The following CTNND2 variants were observed in gnomAD, a reference collection of about 807,000 sequenced individuals.
CTNND2 encodes catenin delta 2.
CTNND2 carries 22 observed loss-of-function variants against 144.4 expected under a neutral mutation model. The observed-to-expected ratio is 0.15, with a 90% CI of 0.11 to 0.22. The LOEUF (loss-of-function observed/expected upper bound fraction) is 0.22. Ranked by LOEUF, CTNND2 falls within the 10% of genes least tolerant of loss-of-function variation. The pLI is 1.00. For synonymous variants in CTNND2, 751 were observed against 695.6 expected, an observed-to-expected ratio of 1.08 and a Z score of -1.25; for missense variants, 1,353 against 1,618.8, an observed-to-expected ratio of 0.84 and a Z score of 2.82.
At chr5:11,803,929 A>C (rs1791844622) in intron 1 of CTNND2, among the ~76,000 whole-genome samples, 2 of 151,762 alleles carry the variant, frequency 1.3e-5, no homozygotes, top group South Asian at 4.2e-4. Context: ...GGCAACCTCC[A>C]TTTTTTTAAA....
At chr5:11,255,770 G>T (rs1016635995) in intron 9 of CTNND2, among the ~76,000 whole-genome samples, 1 of 152,242 alleles carries the variant, frequency 6.6e-6, no homozygotes, top group South Asian at 2.1e-4. Context: ...AATCAGTCAC[G>T]AGAGCTGGAA....
rs190850195 is a variant in CTNND2 at position 11,112,103 on chromosome 5, C to G, written c.2278-1060G>C. Among the ~76,000 whole-genome samples the G allele has an allele frequency of 2.6e-5, 4 of 152,290 alleles. No individual in the cohort carries two copies. The East Asian group carries it at 7.7e-4, about 29-fold the overall frequency. ...TGACTTTGTGATCCACTTGCTTAGG[C>G]CTCCCAAAGTGCTGGGATTACAGTC... On this transcript the variant is annotated intron_variant, in intron 13 of 21. Coordinates refer to ENST00000304623, the MANE Select transcript of CTNND2 (RefSeq NM_001332.4).
At chr5:11,244,651 G>C (rs1742812554) in intron 9 of CTNND2, among the ~76,000 whole-genome samples, 1 of 152,150 alleles carries the variant, frequency 6.6e-6, no homozygotes, top group East Asian at 1.9e-4. Context: ...AATAGCACTA[G>C]AATTATGACT....
At chr5:11,869,394 A>G (rs548407168) in intron 1 of CTNND2, among the ~76,000 whole-genome samples, 19 of 152,348 alleles carry the variant, frequency 1.2e-4, no homozygotes, top group Middle Eastern at 3.4e-3. Context: ...ATTCTGACAT[A>G]AGAAGGTGCC....
chr5:11,867,193 A>G (rs1795810689), intron 1 of CTNND2, among the ~76,000 whole-genome samples: 1 of 152,222 alleles, frequency 6.6e-6, no homozygotes, highest in Admixed American at 6.5e-5. Context: ...GTTATTCCAG[A>G]GAAGGATGAA....
At chr5:11,291,514 T>C (rs2150015326) in intron 9 of CTNND2, among the ~76,000 whole-genome samples, 1 of 152,260 alleles carries the variant, frequency 6.6e-6, no homozygotes, top group Non-Finnish European at 1.5e-5. Context: ...TGAGTCTCCC[T>C]CATACACACA....
intron 7 of CTNND2, among the ~76,000 whole-genome samples, chr5:11,371,300 G>C (rs1350603696): frequency 6.6e-6 from 1 of 152,220 alleles, no homozygotes; most frequent in Non-Finnish European, 1.5e-5. Context: ...GGTGATATCA[G>C]CATATAAACA....
chr5:11,521,334 T>C (rs1258205384), intron 3 of CTNND2, among the ~76,000 whole-genome samples: 1 of 152,234 alleles, frequency 6.6e-6, no homozygotes, highest in Non-Finnish European at 1.5e-5. Context: ...TTTATTATTC[T>C]TGGGCAAATT....
intron 11 of CTNND2, among the ~76,000 whole-genome samples, chr5:11,167,271 C>T (rs570462492): frequency 7.2e-5 from 11 of 152,292 alleles, no homozygotes; most frequent in Admixed American, 1.3e-4. Flanking sequence ...TGCCACATAA[C>T]GCTTCAGGTC....
chr5:11,246,368 C>G (rs1176108996), intron 9 of CTNND2, among the ~76,000 whole-genome samples: 1 of 151,856 alleles, frequency 6.6e-6, no homozygotes, highest in Admixed American at 6.6e-5. Context: ...TTGGGGTGGC[C>G]CCTGAGTCAA....
chr5:11,626,892 T>C (rs945201433), intron 2 of CTNND2, among the ~76,000 whole-genome samples: 2 of 152,232 alleles, frequency 1.3e-5, no homozygotes, highest in Non-Finnish European at 2.9e-5. Context: ...TTAAAAATTG[T>C]GCCAAATTGT....
intron 11 of CTNND2, among the ~76,000 whole-genome samples, chr5:11,192,087 A>C (rs1317687180): frequency 3.9e-5 from 6 of 152,198 alleles, no homozygotes; most frequent in Non-Finnish European, 8.8e-5. Flanking sequence ...ATGCACCTGG[A>C]GACAGGCGCT....
At chr5:11,386,207 CG>C (rs1306289921) in intron 6 of CTNND2, among the ~76,000 whole-genome samples, 6 of 152,042 alleles carry the variant, frequency 3.9e-5, no homozygotes, top group African/African-American at 1.2e-4. Context: ...AGGCTTTCCC[CG>C]GGGAGCAGAG....
At chr5:11,326,976 T>C (rs892312492) in intron 9 of CTNND2, among the ~76,000 whole-genome samples, 1 of 152,202 alleles carries the variant, frequency 6.6e-6, no homozygotes, top group Non-Finnish European at 1.5e-5. Context: ...CATCTGTCTG[T>C]GCATTGGTGA....
chr5:11,020,850 A>T (rs1383287914), intron 17 of CTNND2, among the ~76,000 whole-genome samples: 1 of 150,878 alleles, frequency 6.6e-6, no homozygotes, highest in Non-Finnish European at 1.5e-5. Context: ...TTAAACTCGT[A>T]AATCCAGGCT....
intron 3 of CTNND2, among the ~76,000 whole-genome samples, chr5:11,539,056 G>A (rs1774481880): frequency 6.6e-6 from 1 of 152,082 alleles, no homozygotes; most frequent in Non-Finnish European, 1.5e-5. Flanking sequence ...CAGATGCATG[G>A]TGTACACTCA....
rs528475079 is a variant in CTNND2 at position 11,346,157 on chromosome 5, A to G, written c.1628+215T>C. 5.0e-4 allele frequency among the ~76,000 whole-genome samples: 76 copies of G among 152,336 alleles called. No individual in the cohort carries two copies. In the Middle Eastern group the frequency reaches 0.027, roughly 55 times the overall value. On this transcript the variant is annotated intron_variant, in intron 9 of 21. Coordinates refer to ENST00000304623, the MANE Select transcript of CTNND2 (RefSeq NM_001332.4). ...ACATCAAGCACATATAGATACTCTGATCAAAAGATCATCTCTGTTTTTGGT... is the reference window on the plus strand; with the variant it reads ...ACATCAAGCACATATAGATACTCTGGTCAAAAGATCATCTCTGTTTTTGGT...
Position 11,362,885 on chromosome 5 carries a change from C to T in CTNND2, c.1372+1811G>A, listed in dbSNP as rs576144793. ...ATATTCTTGGTTTTGCCAAGAGTCT[C>T]TGTCACGGGCACTCCACTCTGCCCC... is the stretch of plus-strand genomic sequence containing the variant. On this transcript the variant is annotated intron_variant, in intron 8 of 21. Coordinates refer to ENST00000304623, the MANE Select transcript of CTNND2 (RefSeq NM_001332.4). Among the ~76,000 whole-genome samples the T allele has an allele frequency of 2.0e-5, 3 of 152,354 alleles. No homozygotes were observed. The East Asian group carries it at 5.8e-4, about 29-fold the overall frequency.
intron 2 of CTNND2, among the ~76,000 whole-genome samples, chr5:11,666,507 G>C (rs1487623884): frequency 6.6e-6 from 1 of 152,162 alleles, no homozygotes; most frequent in Non-Finnish European, 1.5e-5. Context: ...GTAAAACAAA[G>C]TTTTCACAGA....
Sources: allele counts gnomAD v4.1 joint callset (sites outside exome capture counted in the v4.1 genomes callset), GRCh38; gene constraint gnomAD v4.1.1; transcripts MANE v1.5; gene names NCBI Gene and HGNC (gene_info 2026-07-23, HGNC 2026-07-21).